The following ABCA5 variants were observed in gnomAD, a reference collection of about 807,000 sequenced individuals.
The protein encoded by ABCA5 is ATP binding cassette subfamily A member 5, also known as cholesterol transporter ABCA5.
Under a neutral mutation model 206.0 loss-of-function variants are expected in ABCA5, and 163 were observed. The observed-to-expected ratio is 0.79, with a 90% CI of 0.70 to 0.90. The LOEUF (loss-of-function observed/expected upper bound fraction) is 0.90, where lower values mean the gene tolerates loss of function less well. ABCA5 is among the 40% of genes least tolerant of loss of function. ABCA5 has a pLI of 0.00. For synonymous variants in ABCA5, 609 were observed against 613.8 expected, an observed-to-expected ratio of 0.99 and a Z score of 0.11; for missense variants, 1,859 against 1,912.9, an observed-to-expected ratio of 0.97 and a Z score of 0.53.
chr17:69,316,371 T>C (rs2075815672), intron 1 of ABCA5, among the ~76,000 whole-genome samples: 1 of 151,676 alleles, frequency 6.6e-6, no homozygotes, highest in South Asian at 2.1e-4. Context: ...TGGGCGCCTG[T>C]AATCCCAGCT....
intron 18 of ABCA5, among the ~76,000 whole-genome samples, chr17:69,282,980 CTTTTTTTTTTTTT>C (rs1048269473): frequency 1.8e-5 from 2 of 112,990 alleles, no homozygotes; most frequent in Non-Finnish European, 3.5e-5. Context: ...TGTTCTTTCC[CTTTTTTTTTTTTT>C]TTTTTTTTTT....
chr17:69,252,016 A>ACTTTTATATTCTTTTTTTTTTTTTTT (rs71144665), intron 34 of ABCA5, 150 bp from the exon 35 acceptor site: 1 of 522,848 alleles, frequency 1.9e-6, no homozygotes. Flanking sequence ...CCCAACTATG[A>ACTTTTATATTCTTTTTTTTTTTTTTT]TTTTTTTTTT....
intron 1 of ABCA5, among the ~76,000 whole-genome samples, chr17:69,316,185 A>G (rs1242451851): frequency 6.6e-6 from 1 of 152,226 alleles, no homozygotes; most frequent in East Asian, 1.9e-4. Flanking sequence ...TAAAAAATTA[A>G]CAGTGCTTCA....
Position 69,263,456 on chromosome 17 carries a change from G to C in ABCA5, c.3315+1279C>G, listed in dbSNP as rs141213527. Among the ~76,000 whole-genome samples, 13 of 152,168 alleles carry C rather than the reference G, an allele frequency of 8.5e-5. No homozygotes were observed. The East Asian group carries it at 2.5e-3, about 29-fold the overall frequency. ...TCATTCTTCTGAATATGGCTAGCCA[G>C]CTATCCCAGCACCATTTATTGAACA... On this transcript the variant is annotated intron_variant, in intron 24 of 38. Transcript: ENST00000392676.
At chr17:69,308,599 G>T (rs559660196) in intron 4 of ABCA5, among the ~76,000 whole-genome samples, 2 of 152,194 alleles carry the variant, frequency 1.3e-5, no homozygotes, top group East Asian at 1.9e-4. Context: ...AATAGTAAAT[G>T]AATAAAAATG....
chr17:69,259,615 C>A, intron 28 of ABCA5, 91 bp downstream of exon 28: 1 of 857,554 alleles, frequency 1.2e-6, no homozygotes, highest in Non-Finnish European at 1.8e-6. Context: ...TTTTGGAGTG[C>A]TGGAAATGTT....
At chr17:69,256,851 G>C (rs943671287) in intron 28 of ABCA5, among the ~76,000 whole-genome samples, 4 of 152,010 alleles carry the variant, frequency 2.6e-5, no homozygotes, top group South Asian at 2.1e-4. Flanking sequence ...GTAGGTGTCA[G>C]GTATTATTAC....
At chr17:69,253,944 A>C in intron 32 of ABCA5, 75 bp from the exon 33 acceptor site, 2 of 1,260,580 alleles carry the variant, frequency 1.6e-6, no homozygotes, top group Non-Finnish European at 2.3e-6. Flanking sequence ...GTGATCCCTG[A>C]TGTTGTTTTC....
chr17:69,301,134 C>T lies in ABCA5; in HGVS notation c.1267+5G>A. The T allele has an allele frequency of 1.3e-6, 2 of 1,500,052 alleles. No homozygotes were observed. The highest frequency in any genetic ancestry group is 1.8e-6 in the Non-Finnish European group (2 of 1,132,038). 92.9% of individuals were successfully genotyped at this position (1,500,052 alleles called of 1,614,324 possible). A position where few individuals can be genotyped will look rare whatever the true frequency, so the allele number is the denominator to read the frequency against. On this transcript the variant is annotated splice_donor_5th_base_variant and intron_variant, in intron 9 of 38. Coordinates refer to ENST00000392676, the MANE Select transcript of ABCA5 (RefSeq NM_172232.4). ...TAAAGTAAAATTCAAAAACCATCTG[C>T]ATACCTGGAATGACTTGATCAAGAT...
At chr17:69,285,180 G>C (rs749421582) in intron 17 of ABCA5, among the ~76,000 whole-genome samples, 11 of 152,166 alleles carry the variant, frequency 7.2e-5, no homozygotes, top group Non-Finnish European at 1.0e-4. Flanking sequence ...AAAAGGCACA[G>C]ACCAGCATCT....
At chr17:69,319,651 G>C (rs1328930968) in intron 1 of ABCA5, among the ~76,000 whole-genome samples, 1 of 152,176 alleles carries the variant, frequency 6.6e-6, no homozygotes, top group Non-Finnish European at 1.5e-5. Context: ...ATTTAAGAAA[G>C]AAAGTTTACA....
At chr17:69,253,689 G>A (rs2075042925) in intron 33 of ABCA5, 22 bp from the exon 34 acceptor site, 1 of 1,602,044 alleles carries the variant, frequency 6.2e-7, no homozygotes. Context: ...GAAAAAGATG[G>A]GTGGGAAATT....
intron 4 of ABCA5, 27 bp downstream of exon 4, chr17:69,309,235 C>G (rs1291542960): frequency 6.7e-7 from 1 of 1,494,906 alleles, no homozygotes; most frequent in East Asian, 2.4e-5. Context: ...TTTAATTGAT[C>G]TTCAATGATT....
At position 69,291,206 on chromosome 17, in the gene ABCA5, G is replaced by A. The variant is rs762652761; in HGVS notation, c.1606+10C>T. The A allele has an allele frequency of 6.5e-7, 1 of 1,543,360 alleles. No homozygotes were observed. The highest frequency in any genetic ancestry group is 1.3e-5 in the South Asian group (1 of 79,224). On this transcript the variant is annotated intron_variant, in intron 12 of 38. Transcript: ENST00000392676. ...ATGAAGTTTTTTTTTCTTTAAGACA[G>A]AAAACTCACCATCAGAAGGTGGGCA...
intron 1 of ABCA5, chr17:69,318,788 T>C: frequency 1.4e-6 from 1 of 696,294 alleles, no homozygotes; most frequent in South Asian, 1.4e-5. Context: ...AAGTTATCAT[T>C]GAAAATTAAA....
At position 69,259,749 on chromosome 17, in the gene ABCA5, T is replaced by C; in HGVS notation, c.3688A>G (p.Lys1230Glu). The part of the protein sequence containing the change: ...LWIFLLQYYE[K>E]KYGGRSIRKD... ...CTTATTGATCTGCCTCCATATTTTTTCTCATAGTATTGTAAGAGGAAAATC... is the reference window on the plus strand; with the variant it reads ...CTTATTGATCTGCCTCCATATTTTTCCTCATAGTATTGTAAGAGGAAAATC... Residue 1230 changes from lysine to glutamate, a missense_variant, in exon 28 of 39, where the codon AAA becomes GAA. Lys to Glu is a moderately conservative substitution (Grantham distance 56). Coordinates refer to ENST00000392676, the MANE Select transcript of ABCA5 (RefSeq NM_172232.4). 6.2e-7 allele frequency: 1 copy of C among 1,609,720 alleles called. No individual in the cohort carries two copies. Among genetic ancestry groups the C allele is most frequent in the Non-Finnish European group, 8.5e-7 (1 of 1,177,196 alleles).
chr17:69,259,947 TAA>T (rs2075128188), intron 27 of ABCA5, 150 bp from the exon 28 acceptor site: 1 of 452,494 alleles, frequency 2.2e-6, no homozygotes, highest in Admixed American at 4.0e-5. Flanking sequence ...TTTTACATGA[TAA>T]AGATAATTAA....
rs2075016864 is a variant in ABCA5 at position 69,251,835 on chromosome 17, T to A, written c.4447A>T (p.Lys1483Ter). 2.5e-6 allele frequency: 4 copies of A among 1,613,814 alleles called. No homozygotes were observed. Among genetic ancestry groups the A allele is most frequent in the Non-Finnish European group, 3.4e-6 (4 of 1,179,970 alleles). The change falls in exon 35 of 39, where the codon AAG (lysine) becomes TAG (stop). Residue 1483 changes from lysine (K) to a stop codon, truncating the protein, a stop_gained. Transcript: ENST00000392676. LOFTEE classifies it high-confidence loss of function. The part of the protein sequence containing the change: ...RAIRTAFKNR[K>*]RAAILTTHYM... ...TGAGTGGTCAGAATAGCAGCCCGCT[T>A]TCTGTTTTTAAATGCAGTTCGAATT...
rs1555584079 is a variant in ABCA5 at position 69,303,795 on chromosome 17, T to TATACAC, written c.930+873_930+874insGTGTAT. Among the ~76,000 whole-genome samples, 21 of 6,086 alleles carry TATACAC rather than the reference T, an allele frequency of 3.5e-3. 3 individuals are homozygous for TATACAC. Among genetic ancestry groups the TATACAC allele is most frequent in the Non-Finnish European group, 0.024 (14 of 586 alleles). The allele number at this position is 6,086 out of a possible 152,430, so 4.0% of individuals were successfully genotyped here. On this transcript the variant is annotated intron_variant, in intron 7 of 38. Coordinates refer to ENST00000392676, the MANE Select transcript of ABCA5 (RefSeq NM_172232.4). The stretch of plus-strand genomic sequence containing the variant: ...AAAAAAAAAAAAAAAAATATATATA[T>TATACAC]ATATATATATATACATACATATATA...
Sources: allele counts gnomAD v4.1 joint callset (sites outside exome capture counted in the v4.1 genomes callset), GRCh38; gene constraint gnomAD v4.1.1; transcripts MANE v1.5; gene names NCBI Gene and HGNC (gene_info 2026-07-23, HGNC 2026-07-21).